Variants in MROH9 observed in about 807,000 individuals in gnomAD.
MROH9 encodes the protein maestro heat like repeat family member 9.
A neutral mutation model predicts 98.2 loss-of-function variants in MROH9; 92 were observed. That is an observed-to-expected ratio of 0.94 (90% confidence interval 0.79 to 1.11). MROH9 has a LOEUF of 1.11. MROH9 is among the 50% of genes most tolerant of loss of function. The probability of loss-of-function intolerance (pLI) is 0.00; values close to 1 mark genes in which losing one functional copy is unlikely to be tolerated. For synonymous variants in MROH9, 397 were observed against 368.9 expected, an observed-to-expected ratio of 1.08 and a Z score of -0.87; for missense variants, 1,057 against 1,014.8, an observed-to-expected ratio of 1.04 and a Z score of -0.57.
chr1:170,985,212 C>A (rs1651084461), intron 9 of MROH9, among the ~76,000 whole-genome samples: 1 of 152,108 alleles, frequency 6.6e-6, no homozygotes, highest in Non-Finnish European at 1.5e-5. Context: ...AGAAATAACT[C>A]AAAATGGCAC....
intron 20 of MROH9, among the ~76,000 whole-genome samples, chr1:171,047,457 C>G (rs556035202): frequency 6.6e-6 from 1 of 152,320 alleles, no homozygotes; most frequent in East Asian, 1.9e-4. Context: ...ATGCATTCTA[C>G]AGTATGCTTA....
At chr1:170,984,943 G>A (rs1241261204) in intron 9 of MROH9, among the ~76,000 whole-genome samples, 1 of 152,224 alleles carries the variant, frequency 6.6e-6, no homozygotes, top group African/African-American at 2.4e-5. Flanking sequence ...CATGCAAATA[G>A]GGGCAGAAGC....
intron 3 of MROH9, 35 bp downstream of exon 3, chr1:170,947,608 G>A (rs781032689): frequency 1.9e-6 from 3 of 1,560,212 alleles, no homozygotes; most frequent in Non-Finnish European, 2.6e-6. Flanking sequence ...CAACGTAACT[G>A]AATTCTCTTG....
intron 15 of MROH9, among the ~76,000 whole-genome samples, chr1:170,999,537 T>G (rs182770855): frequency 6.6e-6 from 1 of 152,144 alleles, no homozygotes. Context: ...TATATATATA[T>G]ATATACACAC....
chr1:171,012,689 G>A (rs1652196287), intron 15 of MROH9, among the ~76,000 whole-genome samples: 4 of 151,848 alleles, frequency 2.6e-5, no homozygotes, highest in Admixed American at 2.6e-4. Flanking sequence ...TTTTTTAGTA[G>A]AGACGGGGTT....
chr1:171,055,603 C>T (rs1469304206), intron 20 of MROH9, among the ~76,000 whole-genome samples: 1 of 110,974 alleles, frequency 9.0e-6, no homozygotes, highest in Non-Finnish European at 1.7e-5. Context: ...GTTTGGGCAA[C>T]AGTGTGAGAC....
intron 15 of MROH9, among the ~76,000 whole-genome samples, chr1:171,004,286 TG>T (rs1651877009): frequency 1.3e-5 from 2 of 152,104 alleles, no homozygotes; most frequent in Admixed American, 1.3e-4. Flanking sequence ...CCATTCAAAT[TG>T]TTATAAAGTT....
intron 3 of MROH9, among the ~76,000 whole-genome samples, chr1:170,948,234 A>G (rs964696598): frequency 2.0e-5 from 3 of 152,024 alleles, no homozygotes; most frequent in African/African-American, 7.2e-5. Context: ...CAGAAGAAAC[A>G]GGGGAGGGCT....
chr1:170,944,042 GA>G (rs1649226483), intron 1 of MROH9, among the ~76,000 whole-genome samples: 1 of 151,902 alleles, frequency 6.6e-6, no homozygotes, highest in South Asian at 2.1e-4. Context: ...AAGATAAGGG[GA>G]AAGTTAATAA....
intron 12 of MROH9, among the ~76,000 whole-genome samples, chr1:170,993,423 G>C (rs986537925): frequency 6.6e-6 from 1 of 152,136 alleles, no homozygotes; most frequent in African/African-American, 2.4e-5. Flanking sequence ...AGCCAGAAAA[G>C]TTACTGACTG....
intron 5 of MROH9, among the ~76,000 whole-genome samples, chr1:170,960,589 A>G (rs542625658): frequency 2.7e-4 from 41 of 152,156 alleles, no homozygotes; most frequent in Non-Finnish European, 5.1e-4. Flanking sequence ...TACTGTTTCC[A>G]TCTATTTACA....
chr1:171,062,305 G>C lies in MROH9; in HGVS notation c.2344+111G>C, dbSNP rs2101878803. ...TAGAGTGCCAGGCCAGACAGGAAGAGGGTGGTGGTAGTAGTAGTTGGATAA... is the reference window on the plus strand; with the variant it reads ...TAGAGTGCCAGGCCAGACAGGAAGACGGTGGTGGTAGTAGTAGTTGGATAA... On this transcript the variant is annotated intron_variant, in intron 21 of 21. Coordinates refer to ENST00000367759, the MANE Select transcript of MROH9 (RefSeq NM_001163629.2). 3 of 707,152 alleles carry C rather than the reference G, an allele frequency of 4.2e-6. No homozygotes were observed. In the East Asian group the frequency reaches 8.5e-5, roughly 20 times the overall value. The allele number at this position is 707,152 out of a possible 1,614,324, so 43.8% of individuals were successfully genotyped here.
In MROH9 at chr1:170,958,056, G is replaced by C. The variant is rs549302826; in HGVS notation, c.73-405G>C. 3.7e-3 allele frequency among the ~76,000 whole-genome samples: 559 copies of C among 152,072 alleles called. 3 individuals carry two copies. Among genetic ancestry groups the C allele is most frequent in the Middle Eastern group, 0.01 (3 of 290 alleles). On this transcript the variant is annotated intron_variant, in intron 3 of 21. Transcript: ENST00000367759. The stretch of plus-strand genomic sequence containing the variant: ...GATCTCCTGACCTCGTGGTCCCCCC[G>C]CCTCGGCCTCCCAAAGTGCTGGGAT...
intron 4 of MROH9, among the ~76,000 whole-genome samples, chr1:170,959,058 TG>T (rs1649903478): frequency 6.6e-6 from 1 of 152,150 alleles, no homozygotes; most frequent in African/African-American, 2.4e-5. Flanking sequence ...AGCCAAAAGC[TG>T]AACCTCATTT....
chr1:170,972,728 C>T (rs752715364), intron 8 of MROH9, among the ~76,000 whole-genome samples: 2 of 150,660 alleles, frequency 1.3e-5, no homozygotes, highest in Non-Finnish European at 2.9e-5. Context: ...AGGAGAATGG[C>T]GTGAACCCAG....
Position 170,961,899 on chromosome 1 carries a change from C to T in MROH9, c.298C>T (p.His100Tyr), listed in dbSNP as rs1650029376. Reference sequence around the variant, plus strand: ...TGTTTTTGTGTTTCAGAATTTATACCACAATATTTTAAATATATATGAGAA... The same window carrying T: ...TGTTTTTGTGTTTCAGAATTTATACTACAATATTTTAAATATATATGAGAA... ...EYIEDMENLY[H>Y]NILNIYENIL... is the part of the protein sequence containing the mutation. The change falls in exon 6 of 22, where the codon CAC (histidine) becomes TAC (tyrosine). Residue 100 changes from histidine to tyrosine, a missense_variant. Physicochemically the swap from His to Tyr is moderately conservative, Grantham distance 83. Transcript: ENST00000367759. 3 of 1,479,318 alleles carry T rather than the reference C, an allele frequency of 2.0e-6. No individual in the cohort carries two copies. The highest frequency in any genetic ancestry group is 2.5e-5 in the East Asian group (1 of 39,718). 91.6% of individuals were successfully genotyped at this position (1,479,318 alleles called of 1,614,324 possible).
chr1:170,997,450 A>C (rs760345253), intron 14 of MROH9, among the ~76,000 whole-genome samples: 7 of 152,206 alleles, frequency 4.6e-5, no homozygotes, highest in Non-Finnish European at 1.0e-4. Context: ...AGAGTTAAAA[A>C]TTCAGAATCT....
intron 1 of MROH9, 65 bp from the exon 2 acceptor site, chr1:170,945,455 A>C (rs1649292605): frequency 8.9e-7 from 1 of 1,117,854 alleles, no homozygotes. Context: ...ATCCATATTG[A>C]TAGAGCAAAA....
chr1:170,954,166 A>T (rs1040394374), intron 3 of MROH9, among the ~76,000 whole-genome samples: 1 of 152,098 alleles, frequency 6.6e-6, no homozygotes, highest in African/African-American at 2.4e-5. Context: ...TAATTCAAAT[A>T]TACTGGGCAC....
Sources: allele counts gnomAD v4.1 joint callset (sites outside exome capture counted in the v4.1 genomes callset), GRCh38; gene constraint gnomAD v4.1.1; transcripts MANE v1.5; gene names NCBI Gene and HGNC (gene_info 2026-07-23, HGNC 2026-07-21).